Variants in SMTNL1 observed in about 807,000 individuals in gnomAD.
SMTNL1 encodes the protein smoothelin like 1.
SMTNL1 carries 41 observed loss-of-function variants against 46.6 expected under a neutral mutation model. That is an observed-to-expected ratio of 0.88 (90% confidence interval 0.69 to 1.14). The LOEUF is 1.14. Among genes scored for constraint, SMTNL1 ranks in the 50% most tolerant of loss-of-function variants. The probability of loss-of-function intolerance (pLI) is 0.00; values close to 1 mark genes in which losing one functional copy is unlikely to be tolerated. For missense variants in SMTNL1, 591 were observed against 626.1 expected, an observed-to-expected ratio of 0.94 and a Z score of 0.60; for synonymous variants, 234 against 234.2, an observed-to-expected ratio of 1.00 and a Z score of 0.01.
intron 1 of SMTNL1, among the ~76,000 whole-genome samples, chr11:57,540,883 G>A (rs1163631114): frequency 1.3e-5 from 2 of 151,958 alleles, no homozygotes; most frequent in African/African-American, 4.8e-5. Flanking sequence ...GCTAATTTTT[G>A]TATTTGTAGT....
intron 1 of SMTNL1, chr11:57,541,663 C>T: frequency 1.7e-6 from 2 of 1,176,686 alleles, no homozygotes; most frequent in Non-Finnish European, 2.2e-6. Flanking sequence ...CCAGTTGGCC[C>T]TGGGGTTCCC....
At chr11:57,546,401 G>C in intron 6 of SMTNL1, 54 bp downstream of exon 6, 3 of 1,349,508 alleles carry the variant, frequency 2.2e-6, no homozygotes, top group Non-Finnish European at 3.0e-6. Flanking sequence ...GAGGGTCCAA[G>C]TGGTGCAAAC....
chr11:57,548,438 G>A (rs1435739095), intron 7 of SMTNL1, among the ~76,000 whole-genome samples: 1 of 152,144 alleles, frequency 6.6e-6, no homozygotes, highest in African/African-American at 2.4e-5. Context: ...AGGAGACCGA[G>A]GCGTGGGGAT....
Position 57,543,496 on chromosome 11 carries a change from G to A in SMTNL1, c.732+122G>A, listed in dbSNP as rs1278518991. On this transcript the variant is annotated intron_variant, in intron 2 of 7. Transcript: ENST00000527972. ...CTCCTGATGATTTCCAGAGCCCAGGGTGGGGGAGGGGGGACAAGGAGTGCA... is the reference window on the plus strand; with the variant it reads ...CTCCTGATGATTTCCAGAGCCCAGGATGGGGGAGGGGGGACAAGGAGTGCA... 6 of 1,519,202 alleles carry A rather than the reference G, an allele frequency of 3.9e-6. No individual in the cohort carries two copies. The African/African-American group carries it at 4.1e-5, about 10-fold the overall frequency. The allele number at this position is 1,519,202 out of a possible 1,614,324, so 94.1% of individuals were successfully genotyped here. A position where few individuals can be genotyped will look rare whatever the true frequency, so the allele number is the denominator to read the frequency against.
In SMTNL1 at chr11:57,542,992, A is replaced by G. The variant is rs868176443; in HGVS notation, c.350A>G (p.Glu117Gly). The change falls in exon 2 of 8, where the codon GAG (glutamate) becomes GGG (glycine). Residue 117 changes from glutamate (E) to glycine (G), a missense_variant. Glu to Gly is a moderately conservative substitution (Grantham distance 98). Transcript: ENST00000527972. The stretch of plus-strand genomic sequence containing the variant: ...CAGGAGATGACTGGCAGGAAAGAAG[A>G]GACCAAATCTGAACCCAAAGAGGCT... Reference protein sequence around the residue: ...GSQEMTGRKEETKSEPKEAEE... With the variant: ...GSQEMTGRKEGTKSEPKEAEE... 1.2e-6 allele frequency: 2 copies of G among 1,602,160 alleles called. No homozygotes were observed. Among genetic ancestry groups the G allele is most frequent in the Admixed American group, 3.5e-5 (2 of 57,754 alleles).
At chr11:57,541,566 C>A (rs1944878293) in intron 1 of SMTNL1, 1 of 1,366,564 alleles carries the variant, frequency 7.3e-7, no homozygotes, top group South Asian at 1.1e-5. Context: ...GAGTACGGCT[C>A]CATTCTTCAC....
At chr11:57,538,919 T>C (rs1944852017) in intron 1 of SMTNL1, among the ~76,000 whole-genome samples, 1 of 152,110 alleles carries the variant, frequency 6.6e-6, no homozygotes, top group African/African-American at 2.4e-5. Context: ...CTTCACTCCT[T>C]TTCTATTTGT....
rs781037832 is a variant in SMTNL1, at chr11:57,546,581, C to T, written c.1269C>T (p.Asp423=). 3.4e-5 allele frequency: 55 copies of T among 1,614,030 alleles called. No individual in the cohort carries two copies. The highest frequency in any genetic ancestry group is 6.7e-5 in the Admixed American group (4 of 60,002). Residue 423 remains aspartate, a synonymous_variant, in exon 7 of 8, where the codon GAC becomes GAT. Coordinates refer to ENST00000527972, the MANE Select transcript of SMTNL1 (RefSeq NM_001105565.3). ...CCCTCATCCACAAGTTCTTCCCTGA[C>T]GCCTTTGACTACGCAGAGCTGGATC... ...FCALIHKFFP[D]AFDYAELDPA... is the part of the protein sequence containing the mutation.
At chr11:57,549,667 G>T (rs1462881405) in intron 7 of SMTNL1, among the ~76,000 whole-genome samples, 1 of 152,210 alleles carries the variant, frequency 6.6e-6, no homozygotes, top group Non-Finnish European at 1.5e-5. Flanking sequence ...GAGCCACTGT[G>T]CCTGGCCTAA....
chr11:57,542,135 C>CAA (rs1267353292), intron 1 of SMTNL1, among the ~76,000 whole-genome samples: 62 of 148,532 alleles, frequency 4.2e-4, no homozygotes, highest in Non-Finnish European at 6.1e-4. Context: ...CACACACACA[C>CAA]ACACACACAA....
rs1944922565 is a variant in SMTNL1 at position 57,546,277 on chromosome 11, C to A, written c.1118C>A (p.Ala373Asp). 1.2e-6 allele frequency: 2 copies of A among 1,610,428 alleles called. No homozygotes were observed. The highest frequency in any genetic ancestry group is 1.7e-6 in the Non-Finnish European group (2 of 1,178,604). ...GCCTTGTTCCGCAACACTAAGGCAG[C>A]CGGGGCAGCCATTGGTGGTGTCAAG... ...PTALFRNTKAAGAAIGGVKNM... is the reference protein window; with the variant it reads ...PTALFRNTKADGAAIGGVKNM... Residue 373 changes from alanine to aspartate, a missense_variant, in exon 6 of 8, where the codon GCC becomes GAC. Ala to Asp is a moderately radical substitution (Grantham distance 126). Coordinates refer to ENST00000527972, the MANE Select transcript of SMTNL1 (RefSeq NM_001105565.3).
chr11:57,546,879 T>A (rs1415588362), intron 7 of SMTNL1, among the ~76,000 whole-genome samples: 1 of 152,114 alleles, frequency 6.6e-6, no homozygotes, highest in Non-Finnish European at 1.5e-5. Flanking sequence ...ACTTGTATAA[T>A]CCCAGCACTC....
rs762947770 is a variant in SMTNL1 at position 57,545,880 on chromosome 11, G to A, written c.918-1G>A. On this transcript the variant is annotated splice_acceptor_variant, in intron 4 of 7. Transcript: ENST00000527972. LOFTEE classifies it high-confidence loss of function. ...ACACGTCTTTGGACTTCTCCATATA[G>A]TGAGTCTTCACCCAGCGACGTGCCC... 158 of 1,611,852 alleles carry A rather than the reference G, an allele frequency of 9.8e-5. No homozygotes were observed. In the Admixed American group the frequency reaches 2.6e-3, roughly 27 times the overall value.
intron 3 of SMTNL1, 50 bp downstream of exon 3, chr11:57,543,806 AG>A: frequency 6.4e-7 from 1 of 1,556,828 alleles, no homozygotes; most frequent in East Asian, 2.4e-5. Flanking sequence ...CACCTGGGGG[AG>A]GGGCGCAAGA....
rs533473443 is a variant in SMTNL1, at chr11:57,544,177, C to T, written c.917+257C>T. 5.3e-5 allele frequency among the ~76,000 whole-genome samples: 8 copies of T among 152,286 alleles called. No homozygotes were observed. In the South Asian group the frequency reaches 1.0e-3, roughly 20 times the overall value. On this transcript the variant is annotated intron_variant, in intron 4 of 7. Coordinates refer to ENST00000527972, the MANE Select transcript of SMTNL1 (RefSeq NM_001105565.3). ...GGTGGATTACCTGAGGTCATGAGTTCGAGACCAGCCTGGCCAACATGGTGA... is the reference window on the plus strand; with the variant it reads ...GGTGGATTACCTGAGGTCATGAGTTTGAGACCAGCCTGGCCAACATGGTGA...
At position 57,545,912 on chromosome 11, in the gene SMTNL1, C is replaced by A. The variant is rs919784469; in HGVS notation, c.949C>A (p.Pro317Thr). 25 of 1,613,310 alleles carry A rather than the reference C, an allele frequency of 1.5e-5. No homozygotes were observed. Among genetic ancestry groups the A allele is most frequent in the Non-Finnish European group, 2.1e-5 (25 of 1,179,596 alleles). The change falls in exon 5 of 8, where the codon CCC (proline) becomes ACC (threonine). Residue 317 changes from proline to threonine, a missense_variant. By Grantham distance (38) the Pro-to-Thr change is conservative. Coordinates refer to ENST00000527972, the MANE Select transcript of SMTNL1 (RefSeq NM_001105565.3). The part of the protein sequence containing the change: ...ESSPSDVPQS[P>T]PESPSSGEKK... ...TTCACCCAGCGACGTGCCCCAGAGT[C>A]CCCCTGAGTCCCCTTCCTCAGGGGA...
intron 7 of SMTNL1, among the ~76,000 whole-genome samples, chr11:57,547,537 T>A (rs1944931076): frequency 6.6e-6 from 1 of 152,208 alleles, no homozygotes; most frequent in Non-Finnish European, 1.5e-5. Context: ...GTTGTGAAGA[T>A]TAAGTGTGAA....
At chr11:57,543,433 C>A in intron 2 of SMTNL1, 59 bp downstream of exon 2, 4 of 1,573,338 alleles carry the variant, frequency 2.5e-6, no homozygotes, top group Non-Finnish European at 3.4e-6. Flanking sequence ...TGGAAGCAAG[C>A]CCCCTCTGCT....
intron 1 of SMTNL1, chr11:57,541,529 G>A (rs750187038): frequency 5.1e-6 from 7 of 1,367,542 alleles, no homozygotes; most frequent in Middle Eastern, 2.1e-4. Flanking sequence ...CAGTTGGAGA[G>A]TCAGATTGCT....
Sources: allele counts gnomAD v4.1 joint callset (sites outside exome capture counted in the v4.1 genomes callset), GRCh38; gene constraint gnomAD v4.1.1; transcripts MANE v1.5; gene names NCBI Gene and HGNC (gene_info 2026-07-23, HGNC 2026-07-21).